The following SV2C variants were observed in gnomAD, a reference collection of about 807,000 sequenced individuals.
SV2C encodes solute carrier family 22 member B3.
A neutral mutation model predicts 79.7 loss-of-function variants in SV2C; 49 were observed. The ratio of observed to expected loss-of-function variants is 0.61; its 90% CI spans 0.49 to 0.78. The LOEUF is 0.78. Among genes scored for constraint, SV2C ranks in the 30% least tolerant of loss-of-function variants. The probability of loss-of-function intolerance (pLI) is 0.00; values close to 1 mark genes in which losing one functional copy is unlikely to be tolerated. For synonymous variants in SV2C, 334 were observed against 333.2 expected, an observed-to-expected ratio of 1.00 and a Z score of -0.03; for missense variants, 833 against 912.9, an observed-to-expected ratio of 0.91 and a Z score of 1.13.
chr5:75,994,220 G>C, the SV2C span, among the ~76,000 whole-genome samples: 5 of 152,098 alleles, frequency 3.3e-5, no homozygotes, highest in Non-Finnish European at 5.9e-5. Flanking sequence ...TTTAGGAAGA[G>C]GGAGTCTTGA....
chr5:76,046,658 A>C, the SV2C span, among the ~76,000 whole-genome samples: 30 of 152,332 alleles, frequency 2.0e-4, no homozygotes, highest in Admixed American at 9.8e-4. Flanking sequence ...GCGCTATCAT[A>C]ATAAGGAAGA....
chr5:76,099,986 G>A (rs993332175), intron 1 of SV2C, among the ~76,000 whole-genome samples: 4 of 152,190 alleles, frequency 2.6e-5, no homozygotes, highest in Non-Finnish European at 5.9e-5. Context: ...GTCTCTGAAT[G>A]TACAGCCATG....
intron 8 of SV2C, among the ~76,000 whole-genome samples, chr5:76,293,728 CAAT>C (rs1246373299): frequency 6.7e-6 from 1 of 149,742 alleles, no homozygotes; most frequent in Non-Finnish European, 1.5e-5. Context: ...ATCCTAATGA[CAAT>C]GATGATAAAA....
chr5:76,264,800 C>G (rs562263583), intron 4 of SV2C, among the ~76,000 whole-genome samples: 11 of 152,330 alleles, frequency 7.2e-5, no homozygotes, highest in African/African-American at 2.6e-4. Flanking sequence ...CTGCTCCTTC[C>G]TCTGGAAGGT....
chr5:76,277,715 G>A (rs1390172862), intron 4 of SV2C, among the ~76,000 whole-genome samples: 2 of 150,588 alleles, frequency 1.3e-5, no homozygotes, highest in African/African-American at 2.5e-5. Flanking sequence ...CTGAGATCAC[G>A]CCACTGCACG....
intron 2 of SV2C, among the ~76,000 whole-genome samples, chr5:76,137,519 T>C (rs1411648127): frequency 6.6e-6 from 1 of 152,028 alleles, no homozygotes; most frequent in African/African-American, 2.4e-5. Flanking sequence ...GAATGGCAGA[T>C]GTGAGATTCT....
At chr5:76,249,657 T>G (rs374876019) in intron 4 of SV2C, among the ~76,000 whole-genome samples, 2 of 152,328 alleles carry the variant, frequency 1.3e-5, no homozygotes, top group South Asian at 2.1e-4. Flanking sequence ...ATATTCATCT[T>G]GTCATTAAGA....
chr5:76,024,500 T>C, the SV2C span, among the ~76,000 whole-genome samples: 1 of 152,208 alleles, frequency 6.6e-6, no homozygotes, highest in African/African-American at 2.4e-5. Context: ...TTTGTGTTTT[T>C]TATTTTCACC....
At chr5:76,272,238 G>A (rs542431360) in intron 4 of SV2C, among the ~76,000 whole-genome samples, 4 of 152,204 alleles carry the variant, frequency 2.6e-5, no homozygotes, top group East Asian at 1.9e-4. Flanking sequence ...ATTATAGCCC[G>A]CTCTGTAATC....
chr5:76,284,865 G>A (rs1300658927), intron 4 of SV2C, among the ~76,000 whole-genome samples: 2 of 152,054 alleles, frequency 1.3e-5, no homozygotes, highest in African/African-American at 4.8e-5. Flanking sequence ...AACTAGCACA[G>A]TGGTCTATTG....
rs1168480851 is a variant in SV2C at position 76,328,548 on chromosome 5, C to T, written c.*3001C>T. The T allele has an allele frequency of 6.6e-6, 1 of 152,202 alleles. No individual in the cohort carries two copies. The highest frequency in any genetic ancestry group is 1.5e-5 in the Non-Finnish European group (1 of 68,054). 9.4% of individuals were successfully genotyped at this position (152,202 alleles called of 1,614,324 possible). ...GAATCATCTCACACCAGAGTACAGA[C>T]CTTGGAGACGCGATAGATGGGTCCT... On this transcript the variant is annotated 3_prime_UTR_variant, in exon 13 of 13. Transcript: ENST00000502798.
At chr5:75,992,096 G>GT in the SV2C span, among the ~76,000 whole-genome samples, 1 of 151,828 alleles carries the variant, frequency 6.6e-6, no homozygotes, top group Non-Finnish European at 1.5e-5. Flanking sequence ...ATTATTAGAT[G>GT]TATTTCTGAA....
downstream of SV2C, among the ~76,000 whole-genome samples, chr5:76,335,628 C>T (rs571447439): frequency 7.9e-5 from 12 of 151,914 alleles, no homozygotes; most frequent in Admixed American, 6.6e-4. Context: ...TGACTCTTAA[C>T]GAGCATGCTG....
At chr5:76,051,258 A>T in the SV2C span, among the ~76,000 whole-genome samples, 5 of 152,178 alleles carry the variant, frequency 3.3e-5, no homozygotes, top group African/African-American at 1.2e-4. Flanking sequence ...CTTTTGATGA[A>T]GATTCTTGGA....
intron 12 of SV2C, among the ~76,000 whole-genome samples, chr5:76,306,676 T>C (rs1748204449): frequency 6.6e-6 from 1 of 152,064 alleles, no homozygotes; most frequent in South Asian, 2.1e-4. Flanking sequence ...AAAAATACCA[T>C]AGGCACATAT....
intron 2 of SV2C, among the ~76,000 whole-genome samples, chr5:76,167,626 G>C (rs1480279681): frequency 1.3e-5 from 2 of 152,154 alleles, no homozygotes; most frequent in Non-Finnish European, 2.9e-5. Flanking sequence ...ATGAAGAAAG[G>C]ACTGTTATTA....
chr5:75,941,189 A>C, the SV2C span, among the ~76,000 whole-genome samples: 3 of 152,204 alleles, frequency 2.0e-5, no homozygotes, highest in Non-Finnish European at 2.9e-5. Context: ...ATAAAGAAAA[A>C]AGAAGCTCAT....
chr5:75,921,668 A>G, the SV2C span: 60 of 638,576 alleles, frequency 9.4e-5, no homozygotes, highest in African/African-American at 9.9e-4. Context: ...GCCCCCTTTT[A>G]TCTGTTGGTA....
At chr5:76,222,893 T>C (rs1745109451) in intron 4 of SV2C, among the ~76,000 whole-genome samples, 1 of 152,208 alleles carries the variant, frequency 6.6e-6, no homozygotes. Context: ...ATTCCCCAGA[T>C]TGACACAGAT....
Sources: gnomAD v4.1 joint callset for allele counts (sites outside exome capture counted in the v4.1 genomes callset) on GRCh38, gnomAD v4.1.1 for gene constraint, MANE v1.5 for transcripts, NCBI Gene and HGNC (gene_info 2026-07-23, HGNC 2026-07-21) for gene names.